GOLM2: variants seen among roughly 807,000 people sequenced by gnomAD.
The protein encoded by GOLM2 is golgi membrane protein 2, also known as protein GOLM2.
In GOLM2, 26 loss-of-function variants were observed where a neutral mutation model predicts 55.9. The observed-to-expected ratio is 0.47, with a 90% CI of 0.34 to 0.65. The LOEUF (loss-of-function observed/expected upper bound fraction) is 0.65. Among genes scored for constraint, GOLM2 ranks in the 30% least tolerant of loss-of-function variants. The pLI is 0.01. For synonymous variants in GOLM2, 165 were observed against 194.6 expected (o/e 0.85, Z 1.27); for missense variants, 486 against 531.8 (o/e 0.91, Z 0.85).
At chr15:44,348,130 C>T (rs950184187) in intron 6 of GOLM2, among the ~76,000 whole-genome samples, 5 of 151,908 alleles carry the variant, frequency 3.3e-5, no homozygotes, top group Non-Finnish European at 7.4e-5. Context: ...CCAGCAGTAG[C>T]GACTGCAAGT....
At position 44,289,198 on chromosome 15, in the gene GOLM2, G is replaced by A; in HGVS notation, c.169G>A (p.Glu57Lys). ...AELQGQVQRT[E>K]VARGRLEKRN... is the part of the protein sequence containing the mutation. ...GCTGCAGGGCCAGGTCCAGCGCACCGAAGTGGCCCGCGGGCGGCTGGAAAA... is the reference window on the plus strand; with the variant it reads ...GCTGCAGGGCCAGGTCCAGCGCACCAAAGTGGCCCGCGGGCGGCTGGAAAA... The change falls in exon 1 of 10, where the codon GAA becomes AAA. Residue 57 changes from glutamate to lysine, a missense_variant. By Grantham distance (56) the Glu-to-Lys change is moderately conservative. Coordinates refer to ENST00000299957, the MANE Select transcript of GOLM2 (RefSeq NM_138423.4). This position sits in a 1 kb window ranked among gnomAD's most constrained non-coding sequence, Gnocchi z 4.8. 6.2e-7 allele frequency: 1 copy of A among 1,614,182 alleles called. No individual in the cohort carries two copies. The highest frequency in any genetic ancestry group is 8.5e-7 in the Non-Finnish European group (1 of 1,180,034).
Position 44,369,897 on chromosome 15 carries a change from T to A in GOLM2, c.803-9793T>A, listed in dbSNP as rs188248581. On this transcript the variant is annotated intron_variant, in intron 6 of 9. Coordinates refer to ENST00000299957, the MANE Select transcript of GOLM2 (RefSeq NM_138423.4). ...TATATGATCTGAATAAAGGGGAGTT[T>A]ATTAAGTATTAACTCATACGATCAC... is the stretch of plus-strand genomic sequence containing the variant. 2.9e-3 allele frequency among the ~76,000 whole-genome samples: 440 copies of A among 152,188 alleles called. 3 individuals carry two copies. The highest frequency in any genetic ancestry group is 0.01 in the African/African-American group (418 of 41,528).
intron 9 of GOLM2, chr15:44,406,903 C>T (rs956212443): frequency 2.0e-5 from 3 of 151,896 alleles, no homozygotes; most frequent in Non-Finnish European, 4.4e-5. Context: ...GCATATCTGC[C>T]AGTAGGGAGC....
chr15:44,404,861 G>T (rs1429075870), intron 9 of GOLM2, among the ~76,000 whole-genome samples: 2 of 152,010 alleles, frequency 1.3e-5, no homozygotes, highest in Non-Finnish European at 2.9e-5. Context: ...TGTGACTAGG[G>T]TAATAACTCT....
intron 6 of GOLM2, among the ~76,000 whole-genome samples, chr15:44,375,000 G>A (rs934794160): frequency 3.3e-5 from 5 of 152,012 alleles, no homozygotes; most frequent in African/African-American, 1.2e-4. Flanking sequence ...TATAAAGAGA[G>A]CTGCTTTATT....
chr15:44,372,021 A>C (rs1859945705), intron 6 of GOLM2, among the ~76,000 whole-genome samples: 1 of 152,182 alleles, frequency 6.6e-6, no homozygotes. Context: ...TCTTTATTTT[A>C]TAGATGAGGG....
chr15:44,354,286 C>G (rs930545685), intron 6 of GOLM2, among the ~76,000 whole-genome samples: 2 of 121,364 alleles, frequency 1.6e-5, no homozygotes, highest in African/African-American at 6.5e-5. Flanking sequence ...ACATCACACA[C>G]CAGGGCCTGT....
intron 9 of GOLM2, 73 bp from the exon 10 acceptor site, chr15:44,413,263 A>C: frequency 9.1e-7 from 1 of 1,097,744 alleles, no homozygotes; most frequent in South Asian, 1.4e-5. Flanking sequence ...GGCTATGAAA[A>C]ACTGAGACAT....
chr15:44,372,634 A>G (rs2079335998), intron 6 of GOLM2, among the ~76,000 whole-genome samples: 2 of 152,026 alleles, frequency 1.3e-5, no homozygotes, highest in South Asian at 2.1e-4. Context: ...TGAAAAAGGG[A>G]TATCTATCTA....
chr15:44,397,425 G>T (rs546539455), intron 8 of GOLM2, among the ~76,000 whole-genome samples: 14 of 144,422 alleles, frequency 9.7e-5, no homozygotes, highest in Non-Finnish European at 2.1e-4. Flanking sequence ...CTTGCAGTGA[G>T]CTGAGATCGC....
At chr15:44,334,825 T>A (rs938438626) in intron 4 of GOLM2, among the ~76,000 whole-genome samples, 1 of 152,018 alleles carries the variant, frequency 6.6e-6, no homozygotes, top group African/African-American at 2.4e-5. Flanking sequence ...AGGTCAGGAG[T>A]TCGAGACCAA....
chr15:44,314,866 T>C (rs2078898357), intron 1 of GOLM2, among the ~76,000 whole-genome samples: 1 of 152,236 alleles, frequency 6.6e-6, no homozygotes, highest in Non-Finnish European at 1.5e-5. Context: ...AAAATAACTA[T>C]GCCCACTTTC....
At chr15:44,379,618 G>GTT (rs559031072) in intron 6 of GOLM2, 72 bp from the exon 7 acceptor site, 6,891 of 426,410 alleles carry the variant, frequency 0.016, 5 homozygotes, top group South Asian at 0.039. Flanking sequence ...ATTCACGGTG[G>GTT]TTTTTTTTTT....
At chr15:44,389,484 C>T (rs1185822934) in intron 8 of GOLM2, among the ~76,000 whole-genome samples, 2 of 151,960 alleles carry the variant, frequency 1.3e-5, no homozygotes, top group African/African-American at 2.4e-5. Flanking sequence ...GCCATGATCA[C>T]GCCACTGCAC....
At chr15:44,354,063 C>G (rs2079181659) in intron 6 of GOLM2, among the ~76,000 whole-genome samples, 1 of 151,774 alleles carries the variant, frequency 6.6e-6, no homozygotes, top group Admixed American at 6.6e-5. Flanking sequence ...TACCATGTAC[C>G]CACAAAAATT....
chr15:44,413,277 T>G, intron 9 of GOLM2, 59 bp from the exon 10 acceptor site: 2 of 1,252,550 alleles, frequency 1.6e-6, no homozygotes, highest in Non-Finnish European at 2.3e-6. Flanking sequence ...GAGACATTAA[T>G]TGGATTTCTG....
chr15:44,290,776 G>A (rs985879808), intron 1 of GOLM2, among the ~76,000 whole-genome samples: 1 of 152,068 alleles, frequency 6.6e-6, no homozygotes, highest in African/African-American at 2.4e-5. Flanking sequence ...TTCATCCATT[G>A]GACTTTTTGT....
intron 1 of GOLM2, among the ~76,000 whole-genome samples, chr15:44,297,165 TA>T (rs1174233301): frequency 6.6e-6 from 1 of 151,996 alleles, no homozygotes; most frequent in African/African-American, 2.4e-5. Context: ...TTGATCGAAT[TA>T]AAAAAAACGT....
Position 44,343,422 on chromosome 15 carries a change from T to G in GOLM2, c.802+5105T>G, listed in dbSNP as rs530718254. On this transcript the variant is annotated intron_variant, in intron 6 of 9. Coordinates refer to ENST00000299957, the MANE Select transcript of GOLM2 (RefSeq NM_138423.4). ...ACTCCTTTTTCTCAGTTTTGTCTTT[T>G]CTTCCTGAAGTAGAGTATGCCAAAA... Among the ~76,000 whole-genome samples, 5 of 152,308 alleles carry G rather than the reference T, an allele frequency of 3.3e-5. No homozygotes were observed. In the South Asian group the frequency reaches 8.3e-4, roughly 25 times the overall value.
Sources: gnomAD v4.1 joint callset for allele counts (sites outside exome capture counted in the v4.1 genomes callset) on GRCh38, gnomAD v4.1.1 for gene constraint, Gnocchi (gnomAD v3.1) non-coding constraint, MANE v1.5 for transcripts, NCBI Gene and HGNC (gene_info 2026-07-23, HGNC 2026-07-21) for gene names.